Variants in GPC5 observed in about 807,000 individuals in gnomAD.
GPC5 encodes glypican-5.
GPC5 carries 47 observed loss-of-function variants against 53.9 expected under a neutral mutation model. That is an observed-to-expected ratio of 0.87 (90% CI 0.69 to 1.11). The LOEUF (loss-of-function observed/expected upper bound fraction) is 1.11. Ranked by LOEUF, GPC5 falls within the 50% of genes most tolerant of loss-of-function variation. GPC5 has a pLI of 0.00. For missense variants in GPC5, 748 were observed against 713.1 expected (o/e 1.05, Z -0.56); for synonymous variants, 286 against 263.3 (o/e 1.09, Z -0.84).
chr13:92,817,524 T>A (rs1877518561), intron 7 of GPC5, among the ~76,000 whole-genome samples: 1 of 152,126 alleles, frequency 6.6e-6, no homozygotes, highest in Admixed American at 6.5e-5. Context: ...AATATCAGCA[T>A]CAATCAAACT....
chr13:92,058,449 A>G (rs2041094004), intron 6 of GPC5, among the ~76,000 whole-genome samples: 2 of 152,364 alleles, frequency 1.3e-5, no homozygotes, highest in Middle Eastern at 3.4e-3. Flanking sequence ...CTTGCTCACT[A>G]TCAACATCCC....
intron 2 of GPC5, among the ~76,000 whole-genome samples, chr13:91,668,307 T>G (rs1486292605): frequency 6.6e-6 from 1 of 152,216 alleles, no homozygotes; most frequent in Non-Finnish European, 1.5e-5. Flanking sequence ...GATGTGCACA[T>G]GCGTGTTTCT....
chr13:92,180,501 A>AT (rs34322226), intron 7 of GPC5, among the ~76,000 whole-genome samples: 32,009 of 151,924 alleles, frequency 0.21, 4,438 homozygotes, highest in East Asian at 0.7. Flanking sequence ...GTTATGGGTG[A>AT]TTTTTTTTAT....
rs759797974 is a variant in GPC5, at chr13:91,693,462, G to A, written c.601G>A (p.Val201Met). The A allele has an allele frequency of 9.9e-6, 16 of 1,614,036 alleles. No individual in the cohort carries two copies. The highest frequency in any genetic ancestry group is 1.3e-5 in the African/African-American group (1 of 74,918). Residue 201 changes from valine (V) to methionine (M), a missense_variant, in exon 3 of 8, where the codon GTG becomes ATG. Coordinates refer to ENST00000377067, the MANE Select transcript of GPC5 (RefSeq NM_004466.6). ...ATGCATCCGGATGGCTCGCCGGGAT[G>A]TGAGTCCATTTGGTAATATTCCCCA... is the stretch of plus-strand genomic sequence containing the variant. ...SECIRMARRD[V>M]SPFGNIPQRV... is the part of the protein sequence containing the mutation.
intron 2 of GPC5, among the ~76,000 whole-genome samples, chr13:91,517,360 C>G (rs1049960534): frequency 1.3e-5 from 2 of 152,190 alleles, no homozygotes; most frequent in Non-Finnish European, 2.9e-5. Context: ...CAAAGTTCCA[C>G]AGATCTCTAG....
At chr13:91,474,065 A>T (rs778327205) in intron 2 of GPC5, among the ~76,000 whole-genome samples, 7 of 152,176 alleles carry the variant, frequency 4.6e-5, no homozygotes, top group Non-Finnish European at 1.0e-4. Flanking sequence ...GACATCAGGA[A>T]TGTTGAAAGC....
intron 7 of GPC5, among the ~76,000 whole-genome samples, chr13:92,556,063 C>A (rs1449569405): frequency 1.3e-5 from 2 of 151,658 alleles, no homozygotes; most frequent in Non-Finnish European, 2.9e-5. Flanking sequence ...TTATACTCCC[C>A]TTTATTTCCT....
rs35480023 is a variant in GPC5, at chr13:92,163,460, C to CAAAAAA, written c.1561+18484_1561+18489dup. Among the ~76,000 whole-genome samples the CAAAAAA allele has an allele frequency of 1.4e-3, 126 of 90,356 alleles. 2 individuals carry two copies. The highest frequency in any genetic ancestry group is 4.5e-3 in the African/African-American group (122 of 26,882). The allele number at this position is 90,356 out of a possible 152,430, so 59.3% of individuals were successfully genotyped here. On this transcript the variant is annotated intron_variant, in intron 7 of 7. Transcript: ENST00000377067. ...TGAGTAACACAGTGAGATTCCATCT[C>CAAAAAA]AAAAAAAAAAAAAAAAAAGATGGAA...
intron 2 of GPC5, among the ~76,000 whole-genome samples, chr13:91,608,562 A>G (rs1488355528): frequency 1.3e-5 from 2 of 152,118 alleles, no homozygotes; most frequent in African/African-American, 4.8e-5. Context: ...GTGCTTTGTG[A>G]CTGCAGCAGC....
intron 6 of GPC5, among the ~76,000 whole-genome samples, chr13:91,989,223 T>C (rs1233473956): frequency 1.3e-5 from 2 of 152,154 alleles, no homozygotes; most frequent in African/African-American, 4.8e-5. Context: ...TTTAGCATTA[T>C]TGTGTGTAAA....
intron 7 of GPC5, among the ~76,000 whole-genome samples, chr13:92,492,843 G>C (rs1165347980): frequency 6.6e-6 from 1 of 152,114 alleles, no homozygotes; most frequent in African/African-American, 2.4e-5. Flanking sequence ...TGTCCAGTCA[G>C]TTATTTGTAT....
At chr13:92,022,185 G>C (rs1254520259) in intron 6 of GPC5, among the ~76,000 whole-genome samples, 1 of 151,940 alleles carries the variant, frequency 6.6e-6, no homozygotes, top group African/African-American at 2.4e-5. Flanking sequence ...TTTTTTAGTA[G>C]AGATGGGATT....
chr13:91,596,954 T>A (rs2033016443), intron 2 of GPC5, among the ~76,000 whole-genome samples: 1 of 152,222 alleles, frequency 6.6e-6, no homozygotes, highest in Non-Finnish European at 1.5e-5. Flanking sequence ...ACCTTTTTGA[T>A]GTTGTCTTGC....
In GPC5 at chr13:92,275,903, G is replaced by T. The variant is rs115664956; in HGVS notation, c.1561+130914G>T. Among the ~76,000 whole-genome samples the T allele has an allele frequency of 5.7e-3, 862 of 152,112 alleles. 14 individuals carry two copies. The highest frequency in any genetic ancestry group is 0.019 in the African/African-American group (787 of 41,522). ...GGTTGACATTTGCAATTCTTTGTTGGGGGTAATAGCCCACCATATGCAAAG... is the reference window on the plus strand; with the variant it reads ...GGTTGACATTTGCAATTCTTTGTTGTGGGTAATAGCCCACCATATGCAAAG... On this transcript the variant is annotated intron_variant, in intron 7 of 7. Transcript: ENST00000377067.
chr13:91,479,688 G>GA (rs1321224443), intron 2 of GPC5, among the ~76,000 whole-genome samples: 2 of 152,054 alleles, frequency 1.3e-5, no homozygotes, highest in South Asian at 2.1e-4. Flanking sequence ...AAGTTCTAGG[G>GA]ATTAATAGGA....
intron 6 of GPC5, among the ~76,000 whole-genome samples, chr13:92,046,634 G>A (rs997006941): frequency 2.0e-5 from 3 of 152,136 alleles, no homozygotes; most frequent in Non-Finnish European, 4.4e-5. Context: ...CTTTGGTAAA[G>A]AGTGCTTCCA....
chr13:92,079,374 C>T (rs2041277332), intron 6 of GPC5, among the ~76,000 whole-genome samples: 1 of 152,148 alleles, frequency 6.6e-6, no homozygotes. Flanking sequence ...TGAGTCAGAT[C>T]CCACATCCAC....
At chr13:92,226,130 T>C (rs1427921838) in intron 7 of GPC5, among the ~76,000 whole-genome samples, 1 of 152,168 alleles carries the variant, frequency 6.6e-6, no homozygotes, top group Non-Finnish European at 1.5e-5. Flanking sequence ...CAAAGTAATA[T>C]GTGCCTTGCT....
At position 91,733,003 on chromosome 13, in the gene GPC5, G is replaced by A. The variant is rs189379653; in HGVS notation, c.1154+4338G>A. ...TTACTTAAGATTGTCTTGGCTATAC[G>A]GGCTCTTTTTGGTTCCATATGAAAT... On this transcript the variant is annotated intron_variant, in intron 4 of 7. Transcript: ENST00000377067. Among the ~76,000 whole-genome samples the A allele has an allele frequency of 2.5e-3, 387 of 152,060 alleles. 4 individuals carry two copies. The highest frequency in any genetic ancestry group is 7.5e-3 in the African/African-American group (312 of 41,468).
Sources: gnomAD v4.1 joint callset for allele counts (sites outside exome capture counted in the v4.1 genomes callset) on GRCh38, gnomAD v4.1.1 for gene constraint, MANE v1.5 for transcripts, NCBI Gene and HGNC (gene_info 2026-07-23, HGNC 2026-07-21) for gene names.